The following DAG1 variants were observed in gnomAD, a reference collection of about 807,000 sequenced individuals.
The protein encoded by DAG1 is dystroglycan 1 (dystrophin-associated glycoprotein 1).
Under a neutral mutation model 46.1 loss-of-function variants are expected in DAG1, and 8 were observed. The ratio of observed to expected loss-of-function variants is 0.17; its 90% CI spans 0.10 to 0.31. DAG1 has a LOEUF of 0.31. Ranked by LOEUF, DAG1 falls within the 10% of genes least tolerant of loss-of-function variation. The pLI is 1.00. For synonymous variants in DAG1, 495 were observed against 481.8 expected (o/e 1.03, Z -0.36); for missense variants, 1,003 against 1,189.9 (o/e 0.84, Z 2.31).
intron 1 of DAG1, among the ~76,000 whole-genome samples, chr3:49,474,925 T>A (rs1282805317): frequency 6.6e-6 from 1 of 151,258 alleles, no homozygotes; most frequent in South Asian, 2.1e-4. Context: ...CATTCTCCTG[T>A]CTCAGCCTCC....
Position 49,532,384 on chromosome 3 carries a change from A to G in DAG1, c.1873A>G (p.Lys625Glu). The change falls in exon 3 of 3, where the codon AAG (lysine) becomes GAG (glutamate). Residue 625 changes from lysine (K) to glutamate (E), a missense_variant. Transcript: ENST00000308775. This position sits in a 1 kb window ranked among gnomAD's most constrained non-coding sequence, Gnocchi z 5.4. ...GGCACTGGTGTTGAATGACATCCACAAGAAGATTGCCTTGGTAAAGAAACT... is the reference window on the plus strand; with the variant it reads ...GGCACTGGTGTTGAATGACATCCACGAGAAGATTGCCTTGGTAAAGAAACT... ...DPALVLNDIH[K>E]KIALVKKLAF... The G allele has an allele frequency of 1.2e-6, 2 of 1,614,182 alleles. No homozygotes were observed. The highest frequency in any genetic ancestry group is 2.2e-5 in the South Asian group (2 of 91,086).
chr3:49,508,825 G>A (rs577602506), intron 1 of DAG1, among the ~76,000 whole-genome samples: 35 of 152,266 alleles, frequency 2.3e-4, no homozygotes, highest in African/African-American at 6.7e-4. Flanking sequence ...CACTGCACCC[G>A]CCCGCCAGGC....
intron 1 of DAG1, among the ~76,000 whole-genome samples, chr3:49,506,576 G>A (rs2050612533): frequency 6.6e-6 from 1 of 151,920 alleles, no homozygotes; most frequent in Admixed American, 6.6e-5. Flanking sequence ...TTTTTCTGTA[G>A]CCTGTTAATA....
At chr3:49,519,132 C>G (rs1376026574) in intron 2 of DAG1, among the ~76,000 whole-genome samples, 1 of 152,168 alleles carries the variant, frequency 6.6e-6, no homozygotes, top group African/African-American at 2.4e-5. Flanking sequence ...GGGTTTGGTG[C>G]TGGATCCCTG....
At chr3:49,484,943 C>T (rs1245886129) in intron 1 of DAG1, among the ~76,000 whole-genome samples, 8 of 151,490 alleles carry the variant, frequency 5.3e-5, no homozygotes, top group African/African-American at 7.3e-5. Flanking sequence ...ATTACAGATG[C>T]GCGCCACCAC....
At position 49,533,429 on chromosome 3, in the gene DAG1, T is replaced by C. The variant is rs1273866958; in HGVS notation, c.*230T>C. 2 of 714,922 alleles carry C rather than the reference T, an allele frequency of 2.8e-6. No individual in the cohort carries two copies. The highest frequency in any genetic ancestry group is 5.0e-6 in the Non-Finnish European group (2 of 400,498). The allele number at this position is 714,922 out of a possible 1,614,324, so 44.3% of individuals were successfully genotyped here. A position where few individuals can be genotyped will look rare whatever the true frequency, so the allele number is the denominator to read the frequency against. ...TATTTTTATTTTTTGCCTAACAGCT[T>C]TTGGTTTGTTCATAGAGAATTCTTC... On this transcript the variant is annotated 3_prime_UTR_variant, in exon 3 of 3. Transcript: ENST00000308775.
intron 1 of DAG1, among the ~76,000 whole-genome samples, chr3:49,506,239 A>G (rs2050604139): frequency 6.6e-6 from 1 of 152,148 alleles, no homozygotes; most frequent in South Asian, 2.1e-4. Context: ...CAGCCTCCCA[A>G]AGTGCTGGGA....
upstream of DAG1, chr3:49,470,261 C>T (rs1028799118): frequency 2.0e-5 from 3 of 151,946 alleles, no homozygotes; most frequent in Non-Finnish European, 2.9e-5. Context: ...CGCTCAGCGC[C>T]CTCTCACCGC....
chr3:49,529,554 A>G (rs1425133468), intron 2 of DAG1, among the ~76,000 whole-genome samples: 60 of 152,174 alleles, frequency 3.9e-4, no homozygotes, highest in Non-Finnish European at 7.4e-5. Flanking sequence ...TTCCTGCCAC[A>G]GGGAGGGGGA....
intron 1 of DAG1, among the ~76,000 whole-genome samples, chr3:49,503,524 G>T (rs1019775987): frequency 1.3e-5 from 2 of 151,956 alleles, no homozygotes; most frequent in Non-Finnish European, 2.9e-5. Context: ...TTTCTTTAAG[G>T]TGTCCTTTAG....
intron 1 of DAG1, among the ~76,000 whole-genome samples, chr3:49,504,319 C>T (rs1237093486): frequency 1.3e-5 from 2 of 151,568 alleles, no homozygotes; most frequent in African/African-American, 2.4e-5. Flanking sequence ...AGTTGTTGAG[C>T]GTATCCATAG....
chr3:49,534,191 T>A lies in DAG1; in HGVS notation c.*992T>A, dbSNP rs566207245. ...TTTACCCTTTTTCTGTGCATTGTTT[T>A]TTTTTTTCCTCCTAAAAGGAATATC... On this transcript the variant is annotated 3_prime_UTR_variant, in exon 3 of 3. Transcript: ENST00000308775. 2.0e-5 allele frequency: 3 copies of A among 152,586 alleles called. No homozygotes were observed. The East Asian group carries it at 5.8e-4, about 29-fold the overall frequency. 9.5% of individuals were successfully genotyped at this position (152,586 alleles called of 1,614,324 possible).
intron 1 of DAG1, among the ~76,000 whole-genome samples, chr3:49,506,284 C>A (rs556048711): frequency 6.6e-6 from 1 of 152,272 alleles, no homozygotes; most frequent in Admixed American, 6.5e-5. Flanking sequence ...GGCCACTATA[C>A]TTTTTTTCTC....
intron 1 of DAG1, among the ~76,000 whole-genome samples, chr3:49,486,594 G>T (rs558730159): frequency 1.3e-5 from 2 of 151,854 alleles, no homozygotes; most frequent in African/African-American, 4.8e-5. Flanking sequence ...GCTCCACCTC[G>T]TGGGTTCAAG....
At chr3:49,471,232 ATTC>A (rs1236862854) in intron 1 of DAG1, among the ~76,000 whole-genome samples, 1 of 152,178 alleles carries the variant, frequency 6.6e-6, no homozygotes, top group Non-Finnish European at 1.5e-5. Context: ...CTAACTTAAG[ATTC>A]TAGCCTGCTG....
chr3:49,494,312 T>C (rs1475590018), intron 1 of DAG1, among the ~76,000 whole-genome samples: 1 of 146,404 alleles, frequency 6.8e-6, no homozygotes, highest in Non-Finnish European at 1.5e-5. Flanking sequence ...GTTTGGCTCC[T>C]GAGGCATTGT....
At chr3:49,471,645 G>T (rs2049521195) in intron 1 of DAG1, among the ~76,000 whole-genome samples, 1 of 152,138 alleles carries the variant, frequency 6.6e-6, no homozygotes, top group African/African-American at 2.4e-5. Context: ...AGACCCTATG[G>T]GATATAAAAG....
chr3:49,508,984 C>T (rs962457060), intron 1 of DAG1, among the ~76,000 whole-genome samples: 1 of 152,134 alleles, frequency 6.6e-6, no homozygotes, highest in Admixed American at 6.5e-5. Flanking sequence ...AAATACAATT[C>T]ATAAGATTGA....
intron 1 of DAG1, among the ~76,000 whole-genome samples, chr3:49,505,752 A>G (rs1207960496): frequency 2.6e-5 from 4 of 151,530 alleles, no homozygotes; most frequent in South Asian, 2.1e-4. Flanking sequence ...GCTCACCGCA[A>G]CCTCCACCTC....
Sources: gnomAD v4.1 joint callset for allele counts (sites outside exome capture counted in the v4.1 genomes callset) on GRCh38, gnomAD v4.1.1 for gene constraint, Gnocchi (gnomAD v3.1) non-coding constraint, MANE v1.5 for transcripts, NCBI Gene and HGNC (gene_info 2026-07-23, HGNC 2026-07-21) for gene names.